PIBF1: variants seen among roughly 807,000 people sequenced by gnomAD.
The protein encoded by PIBF1 is progesterone immunomodulatory binding factor 1.
PIBF1 carries 90 observed loss-of-function variants against 112.5 expected under a neutral mutation model. The ratio of observed to expected loss-of-function variants is 0.80; its 90% CI spans 0.67 to 0.95. PIBF1 has a LOEUF of 0.95. PIBF1 is among the 40% of genes least tolerant of loss of function. The pLI is 0.00. For missense variants in PIBF1, 915 were observed against 852.3 expected (o/e 1.07, Z -0.92); for synonymous variants, 301 against 288.6 (o/e 1.04, Z -0.44).
intron 10 of PIBF1, among the ~76,000 whole-genome samples, chr13:72,893,150 A>T (rs2040126309): frequency 6.6e-6 from 1 of 152,082 alleles, no homozygotes; most frequent in Non-Finnish European, 1.5e-5. Context: ...GTATTTTCAA[A>T]TTTATAGTAT....
intron 10 of PIBF1, among the ~76,000 whole-genome samples, chr13:72,892,328 A>G (rs192171077): frequency 1.3e-5 from 2 of 152,284 alleles, no homozygotes; most frequent in Admixed American, 1.3e-4. Context: ...TTTACTGTAT[A>G]TTAATGTGTA....
At chr13:72,897,940 A>G (rs771002150) in intron 11 of PIBF1, among the ~76,000 whole-genome samples, 3 of 152,204 alleles carry the variant, frequency 2.0e-5, no homozygotes, top group Non-Finnish European at 4.4e-5. Flanking sequence ...CTGGATTTAA[A>G]CTGTACCTTG....
chr13:72,986,461 C>T (rs1187511549), intron 16 of PIBF1, among the ~76,000 whole-genome samples: 1 of 152,126 alleles, frequency 6.6e-6, no homozygotes, highest in African/African-American at 2.4e-5. Context: ...GAACCTACTT[C>T]AGTGTGTTAA....
At chr13:73,001,068 G>A (rs2043849701) in intron 17 of PIBF1, among the ~76,000 whole-genome samples, 1 of 152,100 alleles carries the variant, frequency 6.6e-6, no homozygotes, top group African/African-American at 2.4e-5. Context: ...AAGACTGTAA[G>A]CTAATGCAGA....
chr13:72,821,193 A>G (rs2036542059), intron 5 of PIBF1, among the ~76,000 whole-genome samples: 1 of 152,146 alleles, frequency 6.6e-6, no homozygotes, highest in Non-Finnish European at 1.5e-5. Context: ...GAATGGTGAG[A>G]AATGGGGCTT....
rs1445558031 is a variant in PIBF1, at chr13:72,804,577, C to T, written c.672+6551C>T. On this transcript the variant is annotated intron_variant, in intron 5 of 17. Coordinates refer to ENST00000326291, the MANE Select transcript of PIBF1 (RefSeq NM_006346.4). ...GGGGAGGGAGAAAGAGAGTGGCCTT[C>T]CTAGGTTTGATGACCTGCTTCAAGG... Among the ~76,000 whole-genome samples, 4 of 152,046 alleles carry T rather than the reference C, an allele frequency of 2.6e-5. No homozygotes were observed. The East Asian group carries it at 7.8e-4, about 30-fold the overall frequency.
intron 12 of PIBF1, among the ~76,000 whole-genome samples, chr13:72,912,912 G>A (rs1244498452): frequency 1.3e-5 from 2 of 151,408 alleles, no homozygotes; most frequent in South Asian, 4.2e-4. Context: ...ATAGTATATG[G>A]TATGATTATA....
chr13:72,996,412 A>T (rs1199014574), intron 16 of PIBF1, among the ~76,000 whole-genome samples: 1 of 152,186 alleles, frequency 6.6e-6, no homozygotes, highest in African/African-American at 2.4e-5. Flanking sequence ...ATTGAACTAG[A>T]TTAGGCAGCC....
At chr13:72,877,561 C>T (rs2039459669) in intron 10 of PIBF1, among the ~76,000 whole-genome samples, 1 of 152,040 alleles carries the variant, frequency 6.6e-6, no homozygotes, top group Admixed American at 6.6e-5. Context: ...TTTTAAAACA[C>T]ATGTAGGCCT....
intron 14 of PIBF1, among the ~76,000 whole-genome samples, chr13:72,945,486 C>T (rs2042125219): frequency 6.6e-6 from 1 of 152,166 alleles, no homozygotes; most frequent in African/African-American, 2.4e-5. Flanking sequence ...AATGGCTGAA[C>T]TGACTTACAT....
chr13:72,842,553 A>T (rs1312374376), intron 9 of PIBF1, among the ~76,000 whole-genome samples: 1 of 152,350 alleles, frequency 6.6e-6, no homozygotes, highest in Middle Eastern at 3.4e-3. Flanking sequence ...TCTTAGAGTG[A>T]TATTAAACAA....
intron 14 of PIBF1, among the ~76,000 whole-genome samples, chr13:72,962,654 A>T (rs989947623): frequency 6.6e-6 from 1 of 152,098 alleles, no homozygotes; most frequent in Non-Finnish European, 1.5e-5. Flanking sequence ...GACACAAGAC[A>T]TCCCATATTC....
chr13:72,894,604 CAGT>C (rs1366620405), intron 11 of PIBF1, among the ~76,000 whole-genome samples: 1 of 151,392 alleles, frequency 6.6e-6, no homozygotes, highest in Non-Finnish European at 1.5e-5. Context: ...TATTTCAAAT[CAGT>C]AGGGAAAGTA....
At chr13:72,828,424 C>G (rs973385063) in intron 8 of PIBF1, among the ~76,000 whole-genome samples, 1 of 152,110 alleles carries the variant, frequency 6.6e-6, no homozygotes, top group Admixed American at 6.5e-5. Flanking sequence ...TATCCCTCCC[C>G]TAGCCCCCCA....
intron 16 of PIBF1, among the ~76,000 whole-genome samples, chr13:72,989,827 G>A (rs1479171138): frequency 6.6e-6 from 1 of 152,112 alleles, no homozygotes; most frequent in East Asian, 1.9e-4. Context: ...ACAAAATGTT[G>A]ATAATTGAAG....
chr13:72,949,618 A>T (rs2042245490), intron 14 of PIBF1, among the ~76,000 whole-genome samples: 1 of 152,160 alleles, frequency 6.6e-6, no homozygotes, highest in Admixed American at 6.5e-5. Flanking sequence ...CACCCAGCTA[A>T]CGAATAGCTT....
At chr13:72,964,370 T>A (rs1298656736) in intron 14 of PIBF1, among the ~76,000 whole-genome samples, 5 of 152,148 alleles carry the variant, frequency 3.3e-5, no homozygotes, top group Non-Finnish European at 7.4e-5. Context: ...GGGTACAGAG[T>A]TTCCATATGG....
At chr13:72,947,200 G>A (rs540046927) in intron 14 of PIBF1, among the ~76,000 whole-genome samples, 20 of 152,264 alleles carry the variant, frequency 1.3e-4, no homozygotes, top group African/African-American at 2.4e-4. Context: ...CCAACACCAC[G>A]TGGAAGCTGC....
At chr13:72,792,680 C>T (rs778509937) in intron 3 of PIBF1, 133 bp downstream of exon 3, 8 of 554,956 alleles carry the variant, frequency 1.4e-5, no homozygotes, top group Admixed American at 3.8e-5. Context: ...AATTTTTACA[C>T]CTAGACCACA....
Sources: gnomAD v4.1 joint callset for allele counts (sites outside exome capture counted in the v4.1 genomes callset) on GRCh38, gnomAD v4.1.1 for gene constraint, MANE v1.5 for transcripts, NCBI Gene and HGNC (gene_info 2026-07-23, HGNC 2026-07-21) for gene names.